ENPP3: variants seen among roughly 807,000 people sequenced by gnomAD.
The protein encoded by ENPP3 is ectonucleotide pyrophosphatase/phosphodiesterase 3, also known as ectonucleotide pyrophosphatase/phosphodiesterase family member 3.
Under a neutral mutation model 117.8 loss-of-function variants are expected in ENPP3, and 104 were observed. The observed-to-expected ratio is 0.88, with a 90% CI of 0.75 to 1.04. The LOEUF (loss-of-function observed/expected upper bound fraction) is 1.04, where lower values mean the gene tolerates loss of function less well. Among genes scored for constraint, ENPP3 ranks in the 50% least tolerant of loss-of-function variants. The pLI, the probability that ENPP3 is intolerant of heterozygous loss-of-function variation, is 0.00. For missense variants in ENPP3, 1,026 were observed against 1,051.9 expected (o/e 0.98, Z 0.34); for synonymous variants, 380 against 349.9 (o/e 1.09, Z -0.96).
At chr6:131,746,218 A>AT (rs972258220) in intron 24 of ENPP3, among the ~76,000 whole-genome samples, 3 of 152,186 alleles carry the variant, frequency 2.0e-5, no homozygotes, top group African/African-American at 7.2e-5. Context: ...AGTAACAAAA[A>AT]TTTTATCAAT....
At chr6:131,724,813 A>G (rs928526147) in intron 19 of ENPP3, among the ~76,000 whole-genome samples, 1 of 152,166 alleles carries the variant, frequency 6.6e-6, no homozygotes, top group African/African-American at 2.4e-5. Context: ...TTTAAGAAGC[A>G]TGCAAGTAAA....
At chr6:131,701,408 A>C (rs759484271) in intron 15 of ENPP3, 4 of 1,611,448 alleles carry the variant, frequency 2.5e-6, no homozygotes, top group Non-Finnish European at 3.4e-6. Flanking sequence ...CCATATCCCT[A>C]TGACAGAGGA....
At chr6:131,719,304 G>A (rs1406692936) in intron 16 of ENPP3, among the ~76,000 whole-genome samples, 2 of 151,680 alleles carry the variant, frequency 1.3e-5, no homozygotes, top group African/African-American at 4.8e-5. Context: ...GTGTGCCTGA[G>A]TCTATGAGTA....
intron 12 of ENPP3, 43 bp downstream of exon 12, chr6:131,683,205 T>G: frequency 9.5e-7 from 1 of 1,048,000 alleles, no homozygotes; most frequent in Non-Finnish European, 1.5e-6. Context: ...TTGACTATAA[T>G]TTATCACTTC....
rs149266317 is a variant in ENPP3, at chr6:131,685,415, C to G, written c.1172C>G (p.Pro391Arg). The G allele has an allele frequency of 1.2e-6, 2 of 1,612,700 alleles. No individual in the cohort carries two copies. The highest frequency in any genetic ancestry group is 1.7e-6 in the Non-Finnish European group (2 of 1,178,954). Residue 391 changes from proline (P) to arginine (R), a missense_variant, in exon 13 of 25, where the codon CCC becomes CGC. Physicochemically the swap from Pro to Arg is moderately radical, Grantham distance 103. Transcript: ENST00000357639. ...ATGGAATACATGACTGATTATTTTC[C>G]CAGAATAAACTTCTTCTACATGTAC... ...NKMEYMTDYF[P>R]RINFFYMYEG...
rs1367233901 is a variant in ENPP3 at position 131,732,188 on chromosome 6, A to G, written c.1954-1400A>G. ...TTTTTTATAAATTATTTCAAATTTT[A>G]TTAAGAAAGATATCCATTATGGGCA... On this transcript the variant is annotated intron_variant, in intron 20 of 24. Coordinates refer to ENST00000357639, the MANE Select transcript of ENPP3 (RefSeq NM_005021.5). Among the ~76,000 whole-genome samples the G allele has an allele frequency of 2.0e-5, 3 of 152,332 alleles. No homozygotes were observed. The East Asian group carries it at 5.8e-4, about 29-fold the overall frequency.
rs572875787 is a variant in ENPP3 at position 131,744,411 on chromosome 6, G to T, written c.2458-2375G>T. 5.3e-5 allele frequency among the ~76,000 whole-genome samples: 8 copies of T among 152,312 alleles called. No individual in the cohort carries two copies. In the South Asian group the frequency reaches 1.7e-3, roughly 32 times the overall value. On this transcript the variant is annotated intron_variant, in intron 24 of 24. Transcript: ENST00000357639. ...ATCTAGATTTGGGATTAAATCATTG[G>T]TGTGAAATACAATTGCCAAAGGGGA...
At chr6:131,722,490 AC>A (rs1780058157) in intron 18 of ENPP3, 85 bp downstream of exon 18, 11 of 1,081,800 alleles carry the variant, frequency 1.0e-5, no homozygotes, top group Non-Finnish European at 1.4e-5. Context: ...GGTAGCAACA[AC>A]CAGGTTTGTG....
intron 2 of ENPP3, among the ~76,000 whole-genome samples, chr6:131,645,970 A>G (rs1032568391): frequency 2.6e-5 from 4 of 151,986 alleles, no homozygotes; most frequent in Non-Finnish European, 4.4e-5. Context: ...CATCAACTCC[A>G]TTTTCTCTTT....
At position 131,686,630 on chromosome 6, in the gene ENPP3, T is replaced by C. The variant is rs569061043; in HGVS notation, c.1284+723T>C. ...GAACCTATCATCCTGGTAGTAAGCA[T>C]TGTACCCAATAAGTAGTTTTTTAAC... On this transcript the variant is annotated intron_variant, in intron 14 of 24. Coordinates refer to ENST00000357639, the MANE Select transcript of ENPP3 (RefSeq NM_005021.5). Among the ~76,000 whole-genome samples the C allele has an allele frequency of 4.6e-5, 7 of 152,274 alleles. No homozygotes were observed. In the East Asian group the frequency reaches 1.2e-3, roughly 25 times the overall value.
intron 12 of ENPP3, among the ~76,000 whole-genome samples, chr6:131,684,978 G>T (rs1216467666): frequency 2.0e-5 from 3 of 152,024 alleles, no homozygotes; most frequent in Non-Finnish European, 2.9e-5. Flanking sequence ...TAGGGATGGG[G>T]TTTATCATGT....
intron 24 of ENPP3, among the ~76,000 whole-genome samples, chr6:131,744,750 G>A (rs563878480): frequency 6.6e-6 from 1 of 151,794 alleles, no homozygotes; most frequent in Non-Finnish European, 1.5e-5. Flanking sequence ...CTCAAAAAAT[G>A]AGTTGTATTT....
At chr6:131,686,447 A>G (rs563024372) in intron 14 of ENPP3, among the ~76,000 whole-genome samples, 1 of 152,282 alleles carries the variant, frequency 6.6e-6, no homozygotes, top group Middle Eastern at 3.4e-3. Context: ...GGTCTTCTGT[A>G]ATAGTTTTGT....
intron 11 of ENPP3, among the ~76,000 whole-genome samples, chr6:131,679,482 A>G (rs1205198233): frequency 6.8e-6 from 1 of 148,082 alleles, no homozygotes; most frequent in Non-Finnish European, 1.5e-5. Context: ...GCACCTTAGG[A>G]GCTGACTTGA....
At chr6:131,684,551 T>C (rs915635995) in intron 12 of ENPP3, among the ~76,000 whole-genome samples, 2 of 151,960 alleles carry the variant, frequency 1.3e-5, no homozygotes, top group Non-Finnish European at 2.9e-5. Flanking sequence ...TGGTGGCACA[T>C]GCCTGTAGCC....
chr6:131,693,471 T>C (rs766202764), intron 14 of ENPP3, 26 bp from the exon 15 acceptor site: 28 of 1,597,874 alleles, frequency 1.8e-5, no homozygotes, highest in Non-Finnish European at 2.3e-5. Flanking sequence ...TTATGTATCA[T>C]AAAGAAATAT....
At chr6:131,655,927 C>T (rs1778375369) in intron 5 of ENPP3, among the ~76,000 whole-genome samples, 1 of 152,196 alleles carries the variant, frequency 6.6e-6, no homozygotes, top group African/African-American at 2.4e-5. Flanking sequence ...CCTGCCTATA[C>T]CTTCCATCCC....
intron 15 of ENPP3, chr6:131,711,062 A>C: frequency 6.3e-7 from 1 of 1,578,518 alleles, no homozygotes; most frequent in Non-Finnish European, 8.5e-7. Flanking sequence ...CACTGGCCAC[A>C]ACAAGCGGTG....
chr6:131,696,656 T>C (rs376892116), intron 15 of ENPP3, among the ~76,000 whole-genome samples: 3 of 150,546 alleles, frequency 2.0e-5, no homozygotes, highest in Admixed American at 1.3e-4. Flanking sequence ...TTTTTGTGGT[T>C]GTTGTTGTTG....
Sources: gnomAD v4.1 joint callset for allele counts (sites outside exome capture counted in the v4.1 genomes callset) on GRCh38, gnomAD v4.1.1 for gene constraint, MANE v1.5 for transcripts, NCBI Gene and HGNC (gene_info 2026-07-23, HGNC 2026-07-21) for gene names.